Variants in COL6A6 observed in about 807,000 individuals in gnomAD.
COL6A6 encodes collagen type VI alpha 6 chain.
A neutral mutation model predicts 208.6 loss-of-function variants in COL6A6; 183 were observed. That is an observed-to-expected ratio of 0.88 (90% confidence interval 0.78 to 0.99). The LOEUF (loss-of-function observed/expected upper bound fraction) is 0.99, where lower values mean the gene tolerates loss of function less well. Ranked by LOEUF, COL6A6 falls within the 50% of genes least tolerant of loss-of-function variation. COL6A6 has a pLI of 0.00. For synonymous variants in COL6A6, 973 were observed against 1,011.8 expected, an observed-to-expected ratio of 0.96 and a Z score of 0.73; for missense variants, 2,816 against 2,815.2, an observed-to-expected ratio of 1.00 and a Z score of -0.01.
chr3:130,642,836 T>G lies in COL6A6; in HGVS notation c.5159T>G (p.Val1720Gly). ...GEPGPPGRKG[V>G]KGAKGLASFS... Reference sequence around the variant, plus strand: ...ATGTTTTGTTTGTTTTCCTAGGGTGTGAAAGGAGCCAAAGGCTTGGCTTCA... The same window carrying G: ...ATGTTTTGTTTGTTTTCCTAGGGTGGGAAAGGAGCCAAAGGCTTGGCTTCA... Residue 1720 changes from valine (V) to glycine (G), a missense_variant, in exon 30 of 37, where the codon GTG becomes GGG. By Grantham distance (109) the Val-to-Gly change is moderately radical. Coordinates refer to ENST00000358511, the MANE Select transcript of COL6A6 (RefSeq NM_001102608.3). The G allele has an allele frequency of 1.2e-6, 2 of 1,613,856 alleles. No individual in the cohort carries two copies. Among genetic ancestry groups the G allele is most frequent in the Non-Finnish European group, 1.7e-6 (2 of 1,179,778 alleles).
At chr3:130,536,405 T>G (rs1359947254) in intron 1 of COL6A6, among the ~76,000 whole-genome samples, 1 of 152,166 alleles carries the variant, frequency 6.6e-6, no homozygotes, top group Non-Finnish European at 1.5e-5. Flanking sequence ...CAAAAACACA[T>G]ACCTGCCCTT....
At chr3:130,548,684 G>A (rs369784674) in intron 1 of COL6A6, among the ~76,000 whole-genome samples, 1 of 152,204 alleles carries the variant, frequency 6.6e-6, no homozygotes, top group Non-Finnish European at 1.5e-5. Flanking sequence ...AGAGCACCAG[G>A]AGGTAAACTC....
chr3:130,532,611 T>C (rs2062126542), intron 1 of COL6A6, among the ~76,000 whole-genome samples: 1 of 152,240 alleles, frequency 6.6e-6, no homozygotes, highest in African/African-American at 2.4e-5. Flanking sequence ...TCCACTCCTA[T>C]GACTTGTGGA....
At chr3:130,535,268 A>T (rs1419913252) in intron 1 of COL6A6, among the ~76,000 whole-genome samples, 1 of 152,214 alleles carries the variant, frequency 6.6e-6, no homozygotes, top group African/African-American at 2.4e-5. Flanking sequence ...TATATAAAAC[A>T]CAACGTTTAA....
At chr3:130,645,806 AC>A (rs2065448006) in intron 32 of COL6A6, among the ~76,000 whole-genome samples, 1 of 152,250 alleles carries the variant, frequency 6.6e-6, no homozygotes, top group South Asian at 2.1e-4. Context: ...CAGGTATCTT[AC>A]AAATGCTTCT....
chr3:130,675,149 T>A, intron 36 of COL6A6, 53 bp from the exon 37 acceptor site: 1 of 1,132,266 alleles, frequency 8.8e-7, no homozygotes, highest in Non-Finnish European at 1.2e-6. Context: ...ATATGTAGTC[T>A]ATTAAAGTTG....
chr3:130,600,398 A>G (rs1004548870), intron 20 of COL6A6, among the ~76,000 whole-genome samples: 5 of 152,266 alleles, frequency 3.3e-5, no homozygotes, highest in African/African-American at 1.2e-4. Flanking sequence ...TCATTCTACT[A>G]GAAAAACACA....
In COL6A6 at chr3:130,571,225, C is replaced by T. The variant is rs111457392; in HGVS notation, c.2809C>T (p.Arg937Trp). Residue 937 changes from arginine to tryptophan, a missense_variant, in exon 7 of 37, where the codon CGG becomes TGG. By Grantham distance (101) the Arg-to-Trp change is moderately radical. Coordinates refer to ENST00000358511, the MANE Select transcript of COL6A6 (RefSeq NM_001102608.3). ...ACTCAATGCCACGGCAAAGGCCTTG[C>T]GGGACAAAGGCATTCTTGTCCTGGC... ...DKLNATAKAL[R>W]DKGILVLAVG... The T allele has an allele frequency of 3.2e-3, 5,240 of 1,613,776 alleles. 14 individuals are homozygous for T. Among genetic ancestry groups the T allele is most frequent in the Middle Eastern group, 5.8e-3 (35 of 6,054 alleles).
chr3:130,552,507 T>G (rs1251247565), intron 1 of COL6A6, among the ~76,000 whole-genome samples: 1 of 152,204 alleles, frequency 6.6e-6, no homozygotes, highest in African/African-American at 2.4e-5. Context: ...CTTCATGCCT[T>G]TACTTTGAGC....
At chr3:130,551,584 T>G (rs2062641800) in intron 1 of COL6A6, among the ~76,000 whole-genome samples, 1 of 151,938 alleles carries the variant, frequency 6.6e-6, no homozygotes, top group Non-Finnish European at 1.5e-5. Flanking sequence ...TAACATCTCT[T>G]ATTAATTTTT....
intron 1 of COL6A6, among the ~76,000 whole-genome samples, chr3:130,537,526 A>C (rs995316565): frequency 2.0e-5 from 3 of 152,244 alleles, no homozygotes; most frequent in African/African-American, 7.2e-5. Context: ...CTAATAGAGA[A>C]AATCCATGCT....
rs777203531 is a variant in COL6A6, at chr3:130,573,971, A to G, written c.2993A>G (p.Lys998Arg). The change falls in exon 8 of 37, where the codon AAA becomes AGA. Residue 998 changes from lysine (K) to arginine (R), a missense_variant. Physicochemically the swap from Lys to Arg is conservative, Grantham distance 26. Transcript: ENST00000358511. The part of the protein sequence containing the change: ...NSSKVDCEID[K>R]VDLVFLMDGS... ...TTCTTTGTAGATTGTGAAATTGACA[A>G]AGTAGATCTTGTTTTCCTTATGGAT... 4 of 1,608,480 alleles carry G rather than the reference A, an allele frequency of 2.5e-6. No individual in the cohort carries two copies. In the African/African-American group the frequency reaches 5.4e-5, roughly 22 times the overall value.
chr3:130,645,119 C>CT (rs2065430059), intron 32 of COL6A6, 117 bp downstream of exon 32: 2 of 955,556 alleles, frequency 2.1e-6, no homozygotes, highest in Admixed American at 1.7e-5. Flanking sequence ...TCTGGGCTTT[C>CT]TTTGCTGCTG....
chr3:130,592,486 G>A, intron 13 of COL6A6, 55 bp from the exon 14 acceptor site: 1 of 1,400,564 alleles, frequency 7.1e-7, no homozygotes, highest in Non-Finnish European at 9.8e-7. Flanking sequence ...AAGTTTTCAA[G>A]ACAGATCTCA....
At chr3:130,531,214 C>T (rs761036553) in intron 1 of COL6A6, among the ~76,000 whole-genome samples, 3 of 152,064 alleles carry the variant, frequency 2.0e-5, no homozygotes, top group South Asian at 2.1e-4. Context: ...TATTGACCTT[C>T]GGGCTGCACA....
At chr3:130,549,588 G>C (rs2062597462) in intron 1 of COL6A6, among the ~76,000 whole-genome samples, 1 of 152,002 alleles carries the variant, frequency 6.6e-6, no homozygotes, top group Non-Finnish European at 1.5e-5. Flanking sequence ...GTAAGGAAGG[G>C]GTCCAGTTTC....
intron 33 of COL6A6, among the ~76,000 whole-genome samples, chr3:130,656,547 G>A (rs1226613318): frequency 1.3e-5 from 2 of 152,148 alleles, no homozygotes; most frequent in African/African-American, 4.8e-5. Flanking sequence ...TTAATGGGAG[G>A]CCACTGACGG....
At chr3:130,656,781 C>T (rs2065801544) in intron 33 of COL6A6, among the ~76,000 whole-genome samples, 2 of 152,202 alleles carry the variant, frequency 1.3e-5, no homozygotes, top group Non-Finnish European at 2.9e-5. Flanking sequence ...CCCTCTCGTG[C>T]TTGTTAGCAC....
chr3:130,522,814 C>T (rs1711150206), intron 1 of COL6A6, among the ~76,000 whole-genome samples: 1 of 152,076 alleles, frequency 6.6e-6, no homozygotes, highest in East Asian at 1.9e-4. Flanking sequence ...AATTTAATTT[C>T]CTAACAATCT....
Sources: gnomAD v4.1 joint callset for allele counts (sites outside exome capture counted in the v4.1 genomes callset) on GRCh38, gnomAD v4.1.1 for gene constraint, MANE v1.5 for transcripts, NCBI Gene and HGNC (gene_info 2026-07-23, HGNC 2026-07-21) for gene names.